Variants in RASGRF2 observed in about 807,000 individuals in gnomAD.
RASGRF2 encodes the protein ras-specific guanine nucleotide-releasing factor 2.
A neutral mutation model predicts 151.0 loss-of-function variants in RASGRF2; 76 were observed. The observed-to-expected ratio is 0.50, with a 90% confidence interval of 0.42 to 0.61. RASGRF2 has a LOEUF of 0.61. Among genes scored for constraint, RASGRF2 ranks in the 20% least tolerant of loss-of-function variants. The pLI, the probability that RASGRF2 is intolerant of heterozygous loss-of-function variation, is 0.00. For synonymous variants in RASGRF2, 504 were observed against 566.5 expected (o/e 0.89, Z 1.57); for missense variants, 1,148 against 1,564.6 (o/e 0.73, Z 4.49).
chr5:81,000,897 G>A (rs60760812), intron 1 of RASGRF2, among the ~76,000 whole-genome samples: 4,260 of 152,282 alleles, frequency 0.028, 209 homozygotes, highest in African/African-American at 0.094. Flanking sequence ...TCTAGCCTCC[G>A]TCACTCTGAA....
intron 1 of RASGRF2, among the ~76,000 whole-genome samples, chr5:81,026,041 TCCTTCCATCCTTC>T (rs1246965059): frequency 2.8e-5 from 1 of 35,660 alleles, no homozygotes; most frequent in South Asian, 1.0e-3. Context: ...CTTCCCTCCT[TCCTTCCATCCTTC>T]CCTTCTTCTC....
intron 1 of RASGRF2, among the ~76,000 whole-genome samples, chr5:81,024,862 G>A (rs574892723): frequency 1.3e-5 from 2 of 152,318 alleles, no homozygotes; most frequent in Admixed American, 6.5e-5. Context: ...TCAGGCAGAC[G>A]AATTTAAAGC....
chr5:81,061,402 A>G (rs1751426454), intron 2 of RASGRF2, among the ~76,000 whole-genome samples: 1 of 152,178 alleles, frequency 6.6e-6, no homozygotes, highest in African/African-American at 2.4e-5. Flanking sequence ...CTTCAGTGGT[A>G]CTATATGACA....
At chr5:81,038,567 CTTT>C (rs56205345) in intron 1 of RASGRF2, among the ~76,000 whole-genome samples, 8 of 83,902 alleles carry the variant, frequency 9.5e-5, no homozygotes, top group South Asian at 4.3e-4. Context: ...TAAATATTTG[CTTT>C]TTTTTTTTTT....
At position 81,109,064 on chromosome 5, in the gene RASGRF2, G is replaced by A. The variant is rs1752925377; in HGVS notation, c.1824G>A (p.Val608=). 6.2e-7 allele frequency: 1 copy of A among 1,610,262 alleles called. No homozygotes were observed. The highest frequency in any genetic ancestry group is 8.5e-7 in the Non-Finnish European group (1 of 1,177,150). ...IVFEENSKVT[V]PHMIKSDARL... is the part of the protein sequence containing the mutation. ...TTGAAGAGAATTCCAAAGTCACTGT[G>A]CCACATATGATTAAGTAAGTGTGAG... The change falls in exon 13 of 27, where the codon GTG becomes GTA. Residue 608 remains valine (V), a synonymous_variant. Coordinates refer to ENST00000265080, the MANE Select transcript of RASGRF2 (RefSeq NM_006909.3).
At chr5:80,994,686 A>G (rs1332833446) in intron 1 of RASGRF2, among the ~76,000 whole-genome samples, 2 of 152,172 alleles carry the variant, frequency 1.3e-5, no homozygotes, top group Non-Finnish European at 2.9e-5. Context: ...CTGAGCTTGT[A>G]TTCACTGATG....
chr5:81,050,095 A>T lies in RASGRF2; in HGVS notation c.395+7112A>T, dbSNP rs144646176. 4.4e-3 allele frequency among the ~76,000 whole-genome samples: 667 copies of T among 152,290 alleles called. 1 individual carries two copies. The highest frequency in any genetic ancestry group is 7.5e-3 in the Non-Finnish European group (513 of 68,026). Reference sequence around the variant, plus strand: ...TGACCCCAGCCTAACTGCTCACTGCAGTCACCACTTGTGGATTCTACCCCA... The same window carrying T: ...TGACCCCAGCCTAACTGCTCACTGCTGTCACCACTTGTGGATTCTACCCCA... On this transcript the variant is annotated intron_variant, in intron 2 of 26. Coordinates refer to ENST00000265080, the MANE Select transcript of RASGRF2 (RefSeq NM_006909.3).
intron 1 of RASGRF2, among the ~76,000 whole-genome samples, chr5:80,990,672 G>A (rs979238744): frequency 2.0e-5 from 3 of 152,130 alleles, no homozygotes; most frequent in African/African-American, 7.2e-5. Flanking sequence ...TGTACTTCCA[G>A]GCTAGGTTTT....
intron 12 of RASGRF2, among the ~76,000 whole-genome samples, chr5:81,105,351 G>A (rs1300125270): frequency 6.6e-6 from 1 of 152,114 alleles, no homozygotes; most frequent in African/African-American, 2.4e-5. Flanking sequence ...TGTCCAGGAC[G>A]AGACAGAGAT....
chr5:81,195,110 C>T (rs1469090017), intron 18 of RASGRF2, among the ~76,000 whole-genome samples: 1 of 152,216 alleles, frequency 6.6e-6, no homozygotes, highest in Non-Finnish European at 1.5e-5. Context: ...ATTCGCTCTC[C>T]TGGCGCATGA....
chr5:81,143,663 G>A (rs984782589), intron 17 of RASGRF2, among the ~76,000 whole-genome samples: 6 of 151,766 alleles, frequency 4.0e-5, no homozygotes, highest in African/African-American at 9.7e-5. Flanking sequence ...AGGCCGAGGC[G>A]GGCGGATCAT....
intron 1 of RASGRF2, among the ~76,000 whole-genome samples, chr5:80,979,991 C>T (rs1001356579): frequency 3.3e-5 from 5 of 152,202 alleles, no homozygotes; most frequent in Admixed American, 1.3e-4. Flanking sequence ...ATTCTTTATA[C>T]AGCTACAGCA....
chr5:81,147,273 AT>A (rs886333143), intron 17 of RASGRF2, among the ~76,000 whole-genome samples: 14 of 150,442 alleles, frequency 9.3e-5, no homozygotes, highest in Admixed American at 2.7e-4. Context: ...CTGGCAGCAG[AT>A]TTTTTTTTTA....
At chr5:80,968,047 A>C (rs760803322) in intron 1 of RASGRF2, among the ~76,000 whole-genome samples, 42 of 152,374 alleles carry the variant, frequency 2.8e-4, no homozygotes, top group Middle Eastern at 6.8e-3. Flanking sequence ...TGCCTGGAAT[A>C]TGGAGATCCG....
intron 1 of RASGRF2, among the ~76,000 whole-genome samples, chr5:81,006,003 G>T (rs1260626551): frequency 6.6e-6 from 1 of 152,166 alleles, no homozygotes; most frequent in Non-Finnish European, 1.5e-5. Flanking sequence ...AAGTTCAAAT[G>T]TTCCAAGTTC....
chr5:81,145,952 C>T (rs867384218), intron 17 of RASGRF2, among the ~76,000 whole-genome samples: 2 of 152,230 alleles, frequency 1.3e-5, no homozygotes, highest in South Asian at 4.1e-4. Context: ...TATTCATAAT[C>T]ACGTTAAACG....
At chr5:81,015,404 C>A (rs6862555) in intron 1 of RASGRF2, among the ~76,000 whole-genome samples, 38,201 of 151,554 alleles carry the variant, frequency 0.25, 5,184 homozygotes, top group South Asian at 0.32. Context: ...ATTAAAAAAC[C>A]AATAATAAAT....
intron 7 of RASGRF2, 53 bp downstream of exon 7, chr5:81,080,842 T>C: frequency 6.6e-7 from 1 of 1,516,784 alleles, no homozygotes; most frequent in East Asian, 2.3e-5. Flanking sequence ...TCAATGTCAC[T>C]GATACCTAGC....
At chr5:81,194,170 C>A (rs1253224357) in intron 18 of RASGRF2, among the ~76,000 whole-genome samples, 1 of 142,698 alleles carries the variant, frequency 7.0e-6, no homozygotes, top group African/African-American at 2.6e-5. Flanking sequence ...ATAGAGAGAG[C>A]CCCATCTCTA....
Sources: gnomAD v4.1 joint callset for allele counts (sites outside exome capture counted in the v4.1 genomes callset) on GRCh38, gnomAD v4.1.1 for gene constraint, MANE v1.5 for transcripts, NCBI Gene and HGNC (gene_info 2026-07-23, HGNC 2026-07-21) for gene names.